Variants in SVIL observed in about 807,000 individuals in gnomAD.
The protein encoded by SVIL is supervillin, also known as archvillin.
Under a neutral mutation model 240.4 loss-of-function variants are expected in SVIL, and 101 were observed. The ratio of observed to expected loss-of-function variants is 0.42; its 90% CI spans 0.36 to 0.50. The LOEUF (loss-of-function observed/expected upper bound fraction) is 0.50, where lower values mean the gene tolerates loss of function less well. SVIL is among the 20% of genes least tolerant of loss of function. The pLI is 0.01. For synonymous variants in SVIL, 999 were observed against 1,100.0 expected (o/e 0.91, Z 1.82); for missense variants, 2,512 against 2,818.7 (o/e 0.89, Z 2.46).
At chr10:29,695,788 G>A (rs192430184) in intron 1 of SVIL, among the ~76,000 whole-genome samples, 232 of 147,136 alleles carry the variant, frequency 1.6e-3, no homozygotes, top group African/African-American at 5.7e-3. Context: ...AACAGCTCCC[G>A]TCTCCCTCTC....
At chr10:29,621,834 G>A (rs879910626) in intron 1 of SVIL, among the ~76,000 whole-genome samples, 10 of 148,568 alleles carry the variant, frequency 6.7e-5, no homozygotes, top group Admixed American at 5.3e-4. Context: ...ATATGCGCAC[G>A]CACACACACA....
chr10:29,712,130 C>T (rs1963333121), intron 1 of SVIL: 1 of 152,164 alleles, frequency 6.6e-6, no homozygotes, highest in Admixed American at 6.5e-5. Flanking sequence ...AGTATAATCA[C>T]AGCAAGCACT....
At chr10:29,678,536 G>T (rs1277574244) in intron 2 of SVIL, among the ~76,000 whole-genome samples, 2 of 152,162 alleles carry the variant, frequency 1.3e-5, no homozygotes, top group Non-Finnish European at 2.9e-5. Context: ...TTCCAAACAG[G>T]CCACAAACCA....
At chr10:29,526,279 TTTTTTTTCTTTC>T (rs1309231480) in intron 13 of SVIL, among the ~76,000 whole-genome samples, 4 of 151,468 alleles carry the variant, frequency 2.6e-5, no homozygotes, top group Non-Finnish European at 5.9e-5. Flanking sequence ...TCATTTTTCT[TTTTTTTTCTTTC>T]TTTTTTTCTC....
rs1208616361 is a variant in SVIL, at chr10:29,632,844, C to T, written c.-201+1576G>A. On this transcript the variant is annotated intron_variant, in intron 1 of 37. Transcript: ENST00000355867. ...GTGACCAAATAAATTATCTTTAACA[C>T]ACACACACACACACACACAGAGTAT... 3.5e-3 allele frequency among the ~76,000 whole-genome samples: 23 copies of T among 6,556 alleles called. No individual in the cohort carries two copies. The East Asian group carries it at 0.041, about 12-fold the overall frequency. 4.3% of individuals were successfully genotyped at this position (6,556 alleles called of 152,430 possible).
At chr10:29,507,584 C>T (rs980068312) in intron 17 of SVIL, among the ~76,000 whole-genome samples, 1 of 145,640 alleles carries the variant, frequency 6.9e-6, no homozygotes, top group African/African-American at 2.6e-5. Flanking sequence ...TGGACACACA[C>T]ACAATTGTAC....
At chr10:29,715,395 C>T (rs185854885) in intron 1 of SVIL, among the ~76,000 whole-genome samples, 3 of 152,286 alleles carry the variant, frequency 2.0e-5, no homozygotes, top group East Asian at 1.9e-4. Context: ...CTAACACTCT[C>T]GTGATTGGTG....
At chr10:29,577,620 T>C (rs1268196630) in intron 1 of SVIL, among the ~76,000 whole-genome samples, 1 of 152,202 alleles carries the variant, frequency 6.6e-6, no homozygotes, top group Non-Finnish European at 1.5e-5. Flanking sequence ...GTCTTTGCAA[T>C]TGTGAATTGT....
chr10:29,708,259 A>T (rs1309511338), intron 1 of SVIL, among the ~76,000 whole-genome samples: 1 of 49,176 alleles, frequency 2.0e-5, no homozygotes. Context: ...CTCCATCTCA[A>T]AAAAAAAAAA....
At chr10:29,515,027 G>A (rs1235905882) in intron 16 of SVIL, among the ~76,000 whole-genome samples, 3 of 152,218 alleles carry the variant, frequency 2.0e-5, no homozygotes, top group African/African-American at 4.8e-5. Context: ...CCCCAAAGGA[G>A]GCAGGAGCTT....
At chr10:29,578,726 G>C (rs1285728642) in intron 1 of SVIL, among the ~76,000 whole-genome samples, 1 of 152,214 alleles carries the variant, frequency 6.6e-6, no homozygotes, top group African/African-American at 2.4e-5. Context: ...TTCTAGCACA[G>C]AGCCTGGCTC....
chr10:29,641,010 C>G (rs1246811682), intron 3 of SVIL, among the ~76,000 whole-genome samples: 3 of 152,332 alleles, frequency 2.0e-5, no homozygotes, highest in African/African-American at 7.2e-5. Flanking sequence ...CCCATGGAAG[C>G]CCACATGGCA....
In SVIL at chr10:29,523,528, A is replaced by C. The variant is rs1280533516; in HGVS notation, c.3086T>G (p.Leu1029Trp). The change falls in exon 15 of 38, where the codon TTG (leucine) becomes TGG (tryptophan). Residue 1029 changes from leucine (L) to tryptophan (W), a missense_variant. Physicochemically the swap from Leu to Trp is moderately conservative, Grantham distance 61. Coordinates refer to ENST00000355867, the MANE Select transcript of SVIL (RefSeq NM_021738.3). ...AAAGGGCAGCCTGTCCCTCAAGTCC[A>C]AGTTTCCTTGTGCATTCATTTTAGC... ...SMAKMNAQGN[L>W]DLRDRLPFEE... 5 of 1,614,012 alleles carry C rather than the reference A, an allele frequency of 3.1e-6. No individual in the cohort carries two copies. The highest frequency in any genetic ancestry group is 1.1e-5 in the South Asian group (1 of 91,070).
chr10:29,713,369 A>G (rs908439959), intron 1 of SVIL, among the ~76,000 whole-genome samples: 11 of 152,080 alleles, frequency 7.2e-5, no homozygotes. Flanking sequence ...TTATACAACT[A>G]TTAGTAATAA....
Position 29,493,291 on chromosome 10 carries a change from G to C in SVIL, c.3942C>G (p.Ser1314Arg), listed in dbSNP as rs762655776. The part of the protein sequence containing the change: ...DDETFAKFYR[S>R]VDYNMPRSPV... ...GACTTCTTGGCATATTATAATCCAC[G>C]CTGCGGTAAAATTTGGCAAAGGTTT... The change falls in exon 21 of 38, where the codon AGC (serine) becomes AGG (arginine). Residue 1314 changes from serine to arginine, a missense_variant. Transcript: ENST00000355867. 3 of 1,614,096 alleles carry C rather than the reference G, an allele frequency of 1.9e-6. No individual in the cohort carries two copies. Among genetic ancestry groups the C allele is most frequent in the African/African-American group, 1.3e-5 (1 of 75,014 alleles).
chr10:29,696,010 T>C (rs1589530188), intron 1 of SVIL, among the ~76,000 whole-genome samples: 1 of 149,992 alleles, frequency 6.7e-6, no homozygotes, highest in African/African-American at 2.5e-5. Context: ...GGGCCAAAGC[T>C]GGACTGTACT....
intron 12 of SVIL, 86 bp downstream of exon 12, chr10:29,529,619 G>C: frequency 7.0e-7 from 1 of 1,426,530 alleles, no homozygotes; most frequent in Non-Finnish European, 9.2e-7. Flanking sequence ...CCTCCCCAAT[G>C]CCTCATTTTC....
intron 17 of SVIL, among the ~76,000 whole-genome samples, chr10:29,507,367 C>G (rs1008367708): frequency 6.6e-6 from 1 of 152,168 alleles, no homozygotes; most frequent in Admixed American, 6.5e-5. Context: ...TCCTCTTAAA[C>G]CAGTTTCATG....
At chr10:29,465,853 A>T in intron 33 of SVIL, 103 bp from the exon 34 acceptor site, 1 of 1,436,600 alleles carries the variant, frequency 7.0e-7, no homozygotes, top group Non-Finnish European at 9.5e-7. Flanking sequence ...GCACTGTGGA[A>T]ACACAGGTAG....
Sources: gnomAD v4.1 joint callset for allele counts (sites outside exome capture counted in the v4.1 genomes callset) on GRCh38, gnomAD v4.1.1 for gene constraint, MANE v1.5 for transcripts, NCBI Gene and HGNC (gene_info 2026-07-23, HGNC 2026-07-21) for gene names.